The following NR1D2 variants were observed in gnomAD, a reference collection of about 807,000 sequenced individuals.
NR1D2 encodes V-erbA-related protein 1-related.
NR1D2 carries 25 observed loss-of-function variants against 52.2 expected under a neutral mutation model. The observed-to-expected ratio is 0.48, with a 90% CI of 0.35 to 0.67. The LOEUF (loss-of-function observed/expected upper bound fraction) is 0.67, where lower values mean the gene tolerates loss of function less well. NR1D2 is among the 30% of genes least tolerant of loss of function. The probability of loss-of-function intolerance (pLI) is 0.01; values close to 1 mark genes in which losing one functional copy is unlikely to be tolerated. For missense variants in NR1D2, 681 were observed against 707.2 expected, an observed-to-expected ratio of 0.96 and a Z score of 0.42; for synonymous variants, 259 against 230.1, an observed-to-expected ratio of 1.13 and a Z score of -1.14.
At position 23,977,457 on chromosome 3, in the gene NR1D2, T is replaced by C. The variant is rs770590148; in HGVS notation, c.*38T>C. On this transcript the variant is annotated 3_prime_UTR_variant, in exon 8 of 8. Transcript: ENST00000312521. The stretch of plus-strand genomic sequence containing the variant: ...TTTAAACATGAACTGATGGTAACTG[T>C]ACATTTTGTGCTAAAATGCATATTT... 4 of 1,392,422 alleles carry C rather than the reference T, an allele frequency of 2.9e-6. No homozygotes were observed. The highest frequency in any genetic ancestry group is 3.9e-6 in the Non-Finnish European group (4 of 1,023,456). 86.3% of individuals were successfully genotyped at this position (1,392,422 alleles called of 1,614,324 possible).
chr3:23,969,071 G>T (rs1706522722), intron 7 of NR1D2, among the ~76,000 whole-genome samples: 1 of 152,118 alleles, frequency 6.6e-6, no homozygotes, highest in Non-Finnish European at 1.5e-5. Context: ...GATCACCTGA[G>T]GTCAGGAATT....
chr3:23,973,422 A>G (rs898142105), intron 7 of NR1D2, among the ~76,000 whole-genome samples: 1 of 152,236 alleles, frequency 6.6e-6, no homozygotes, highest in African/African-American at 2.4e-5. Context: ...TTGTAACACA[A>G]TAAGTATTTG....
intron 7 of NR1D2, among the ~76,000 whole-genome samples, chr3:23,972,399 A>G (rs1354328388): frequency 2.6e-5 from 4 of 152,214 alleles, no homozygotes; most frequent in Non-Finnish European, 4.4e-5. Context: ...AAAATCTCAA[A>G]CATGATGTTT....
At chr3:23,958,311 G>T (rs1264573818) in intron 3 of NR1D2, among the ~76,000 whole-genome samples, 1 of 152,054 alleles carries the variant, frequency 6.6e-6, no homozygotes, top group Non-Finnish European at 1.5e-5. Flanking sequence ...CTAGTGAGGG[G>T]ATTATAGCTA....
At chr3:23,946,170 G>GCCCGCTGAGCC in intron 1 of NR1D2, 1 of 985,212 alleles carries the variant, frequency 1.0e-6, no homozygotes. Context: ...GCGCGTGCGC[G>GCCCGCTGAGCC]CCCGCTGAGC....
chr3:23,962,813 A>G (rs1236265961), intron 5 of NR1D2, among the ~76,000 whole-genome samples: 11 of 152,170 alleles, frequency 7.2e-5, no homozygotes, highest in Admixed American at 6.6e-4. Context: ...AGGTACAAGC[A>G]TGTGATTTGA....
intron 3 of NR1D2, among the ~76,000 whole-genome samples, chr3:23,956,841 G>A (rs1008622908): frequency 2.6e-5 from 4 of 152,018 alleles, no homozygotes; most frequent in Admixed American, 2.6e-4. Context: ...ACGTGATGAA[G>A]ACACATGTTC....
Position 23,965,167 on chromosome 3 carries a change from G to T in NR1D2, c.1332+5G>T, listed in dbSNP as rs1261437243. 4.5e-6 allele frequency: 7 copies of T among 1,571,174 alleles called. No individual in the cohort carries two copies. Among genetic ancestry groups the T allele is most frequent in the Non-Finnish European group, 6.0e-6 (7 of 1,160,560 alleles). ...TTAAAGGCTGGGACTTTTGAGGTAG[G>T]TTTTATTTATCCTGAATATTGATGC... is the stretch of plus-strand genomic sequence containing the variant. On this transcript the variant is annotated splice_donor_5th_base_variant and intron_variant, in intron 6 of 7. Coordinates refer to ENST00000312521, the MANE Select transcript of NR1D2 (RefSeq NM_005126.5).
At chr3:23,969,043 G>A (rs1314920778) in intron 7 of NR1D2, among the ~76,000 whole-genome samples, 1 of 152,142 alleles carries the variant, frequency 6.6e-6, no homozygotes, top group East Asian at 1.9e-4. Flanking sequence ...CCAGCACTTT[G>A]GGAGGCTGAG....
At chr3:23,946,231 A>T (rs1194203691) in intron 1 of NR1D2, 4 of 985,280 alleles carry the variant, frequency 4.1e-6, no homozygotes, top group African/African-American at 3.5e-5. Context: ...AGTGCACCGG[A>T]CGCCGCACGC....
chr3:23,978,827 G>T lies in NR1D2; in HGVS notation c.*1408G>T, dbSNP rs1216937774. On this transcript the variant is annotated 3_prime_UTR_variant, in exon 8 of 8. Transcript: ENST00000312521. ...ATCTAGTGTGTGACCTACAGGCTTAGAAATGGTATAGTCAAAGACATTTTA... is the reference window on the plus strand; with the variant it reads ...ATCTAGTGTGTGACCTACAGGCTTATAAATGGTATAGTCAAAGACATTTTA... The T allele has an allele frequency of 6.6e-6, 1 of 152,084 alleles. No homozygotes were observed. The highest frequency in any genetic ancestry group is 1.5e-5 in the Non-Finnish European group (1 of 67,974). 9.4% of individuals were successfully genotyped at this position (152,084 alleles called of 1,614,324 possible).
chr3:23,953,928 C>T (rs1413262926), intron 1 of NR1D2, among the ~76,000 whole-genome samples: 1 of 152,178 alleles, frequency 6.6e-6, no homozygotes, highest in Non-Finnish European at 1.5e-5. Flanking sequence ...TAGGAAAATA[C>T]TGGAAAATGA....
chr3:23,947,471 G>C (rs776544655), intron 1 of NR1D2, among the ~76,000 whole-genome samples: 1 of 152,214 alleles, frequency 6.6e-6, no homozygotes, highest in Non-Finnish European at 1.5e-5. Context: ...GGAGCACCCA[G>C]AAGTGAACAG....
chr3:23,965,355 C>T (rs1375637065), intron 6 of NR1D2, among the ~76,000 whole-genome samples, 193 bp downstream of exon 6: 1 of 147,028 alleles, frequency 6.8e-6, no homozygotes, highest in Non-Finnish European at 1.5e-5. Context: ...TCTCCAGCTT[C>T]AGCCTCCTGA....
intron 7 of NR1D2, among the ~76,000 whole-genome samples, chr3:23,974,420 T>G (rs528717498): frequency 6.6e-6 from 1 of 152,234 alleles, no homozygotes; most frequent in South Asian, 2.1e-4. Flanking sequence ...TCAGCAACAT[T>G]ATAATATTAT....
At chr3:23,954,928 T>G in intron 2 of NR1D2, 125 bp downstream of exon 2, 1 of 806,866 alleles carries the variant, frequency 1.2e-6, no homozygotes. Context: ...TGGGTAATCA[T>G]ACATCAGTAG....
rs563059585 is a variant in NR1D2 at position 23,980,501 on chromosome 3, A to G, written c.*3082A>G. 1 of 152,114 alleles carries G rather than the reference A, an allele frequency of 6.6e-6. No homozygotes were observed. The highest frequency in any genetic ancestry group is 6.5e-5 in the Admixed American group (1 of 15,268). The allele number at this position is 152,114 out of a possible 1,614,324, so 9.4% of individuals were successfully genotyped here. On this transcript the variant is annotated 3_prime_UTR_variant, in exon 8 of 8. Transcript: ENST00000312521. ...ATGATAGAAATACATTGTTGATGGG[A>G]TATGAGTTAAGTTTATTTTCTACAA...
intron 4 of NR1D2, among the ~76,000 whole-genome samples, chr3:23,961,389 C>CTTTTTTTTTTTTTTTTTTTTTTTTT (rs869108010): frequency 9.2e-5 from 7 of 76,002 alleles, no homozygotes; most frequent in South Asian, 5.3e-4. Flanking sequence ...CTTTTTCTTT[C>CTTTTTTTTTTTTTTTTTTTTTTTTT]TTTTTTTTTT....
intron 6 of NR1D2, 73 bp downstream of exon 6, chr3:23,965,235 C>CTTTTTT (rs371267256): frequency 2.6e-5 from 8 of 309,306 alleles, no homozygotes; most frequent in African/African-American, 7.5e-5. Context: ...TGTTTTAATT[C>CTTTTTT]TTTTTTTTTT....
Sources: gnomAD v4.1 joint callset for allele counts (sites outside exome capture counted in the v4.1 genomes callset) on GRCh38, gnomAD v4.1.1 for gene constraint, MANE v1.5 for transcripts, NCBI Gene and HGNC (gene_info 2026-07-23, HGNC 2026-07-21) for gene names.